PPFIA2: variants seen among roughly 807,000 people sequenced by gnomAD.
The protein encoded by PPFIA2 is liprin-alpha-2.
A neutral mutation model predicts 175.5 loss-of-function variants in PPFIA2; 46 were observed. The ratio of observed to expected loss-of-function variants is 0.26; its 90% confidence interval spans 0.21 to 0.34. The LOEUF is 0.34. Among genes scored for constraint, PPFIA2 ranks in the 10% least tolerant of loss-of-function variants. PPFIA2 has a pLI of 1.00. For synonymous variants in PPFIA2, 568 were observed against 511.4 expected (o/e 1.11, Z -1.49); for missense variants, 1,179 against 1,506.1 (o/e 0.78, Z 3.60).
In PPFIA2 at chr12:81,725,744, C is replaced by G. The variant is rs79597894; in HGVS notation, c.249+28229G>C. Among the ~76,000 whole-genome samples, 83 of 149,970 alleles carry G rather than the reference C, an allele frequency of 5.5e-4. No individual in the cohort carries two copies. In the East Asian group the frequency reaches 0.014, roughly 26 times the overall value. Reference sequence around the variant, plus strand: ...GTTGAAAGAAACAAGCACAGACAACCCTTTGAATAATCTAATCAAGAAATA... The same window carrying G: ...GTTGAAAGAAACAAGCACAGACAACGCTTTGAATAATCTAATCAAGAAATA... On this transcript the variant is annotated intron_variant, in intron 3 of 32. Transcript: ENST00000549396.
At chr12:81,707,204 C>CA (rs1369756252) in intron 3 of PPFIA2, among the ~76,000 whole-genome samples, 21 of 151,914 alleles carry the variant, frequency 1.4e-4, no homozygotes, top group African/African-American at 4.8e-4. Context: ...TTCTGCACAG[C>CA]AAAAGAAACT....
chr12:81,631,769 C>A (rs1334198881), intron 4 of PPFIA2, among the ~76,000 whole-genome samples: 3 of 152,146 alleles, frequency 2.0e-5, no homozygotes, highest in Non-Finnish European at 4.4e-5. Context: ...TGGCTCTGAC[C>A]TATTGGACTT....
At chr12:81,587,960 T>G (rs146155184) in intron 4 of PPFIA2, among the ~76,000 whole-genome samples, 1,621 of 152,148 alleles carry the variant, frequency 0.011, 33 homozygotes, top group African/African-American at 0.033. Context: ...AGAAACTTTC[T>G]ATATGACAGG....
intron 2 of PPFIA2, among the ~76,000 whole-genome samples, chr12:81,754,727 T>G (rs1281260016): frequency 6.6e-6 from 1 of 152,258 alleles, no homozygotes; most frequent in African/African-American, 2.4e-5. Flanking sequence ...AAGTTTACTC[T>G]TTCTTGTAGA....
intron 4 of PPFIA2, among the ~76,000 whole-genome samples, chr12:81,504,688 T>C (rs184937148): frequency 1.3e-5 from 2 of 152,270 alleles, no homozygotes; most frequent in East Asian, 1.9e-4. Flanking sequence ...TAAGGACACA[T>C]GTACAGCTAT....
chr12:81,584,920 T>C (rs1273685423), intron 4 of PPFIA2, among the ~76,000 whole-genome samples: 2 of 119,762 alleles, frequency 1.7e-5, no homozygotes, highest in Non-Finnish European at 1.6e-5. Flanking sequence ...TATATATTAA[T>C]TATATTTATA....
chr12:81,587,822 G>T (rs1335814677), intron 4 of PPFIA2, among the ~76,000 whole-genome samples: 1 of 151,908 alleles, frequency 6.6e-6, no homozygotes, highest in Non-Finnish European at 1.5e-5. Context: ...GAGTGCAGAG[G>T]CCTAGTGTTT....
At chr12:81,342,039 T>C (rs1007447495) in intron 19 of PPFIA2, among the ~76,000 whole-genome samples, 11 of 152,180 alleles carry the variant, frequency 7.2e-5, no homozygotes, top group Admixed American at 5.9e-4. Context: ...TGTTTTCAAA[T>C]TGTTCCATTT....
At chr12:81,569,794 A>G (rs530907509) in intron 4 of PPFIA2, among the ~76,000 whole-genome samples, 1 of 152,264 alleles carries the variant, frequency 6.6e-6, no homozygotes, top group East Asian at 1.9e-4. Flanking sequence ...AATTTTATTT[A>G]ATACACAAAA....
intron 4 of PPFIA2, among the ~76,000 whole-genome samples, chr12:81,629,026 T>G (rs1336335131): frequency 2.0e-5 from 3 of 152,134 alleles, no homozygotes; most frequent in African/African-American, 7.2e-5. Context: ...TCTAAATTAG[T>G]TGACCTTTCT....
intron 4 of PPFIA2, among the ~76,000 whole-genome samples, chr12:81,538,732 A>G (rs1488648191): frequency 6.6e-6 from 1 of 151,914 alleles, no homozygotes; most frequent in Non-Finnish European, 1.5e-5. Flanking sequence ...GCTGGTGCAG[A>G]CAACATGGAG....
chr12:81,533,968 A>G (rs1413978147), intron 4 of PPFIA2, among the ~76,000 whole-genome samples: 1 of 151,630 alleles, frequency 6.6e-6, no homozygotes, highest in Non-Finnish European at 1.5e-5. Context: ...ATATATACAC[A>G]ATAGAATACA....
intron 22 of PPFIA2, among the ~76,000 whole-genome samples, chr12:81,316,572 G>A (rs977920721): frequency 6.6e-6 from 1 of 151,490 alleles, no homozygotes; most frequent in Non-Finnish European, 1.5e-5. Context: ...GGAACATTAT[G>A]TGTGGCTAAT....
At chr12:81,259,777 T>C (rs1309197832) in intron 32 of PPFIA2, 117 bp from the exon 33 acceptor site, 7 of 805,708 alleles carry the variant, frequency 8.7e-6, no homozygotes, top group African/African-American at 1.7e-5. Flanking sequence ...TAGAAGATCA[T>C]GAGAAGGAAA....
At chr12:81,718,650 A>G (rs1486476945) in intron 3 of PPFIA2, among the ~76,000 whole-genome samples, 1 of 151,698 alleles carries the variant, frequency 6.6e-6, no homozygotes, top group Non-Finnish European at 1.5e-5. Context: ...AAAGACAAGG[A>G]TAGAGTTCTA....
chr12:81,507,741 C>T (rs2061332689), intron 4 of PPFIA2, among the ~76,000 whole-genome samples: 2 of 152,170 alleles, frequency 1.3e-5, no homozygotes, highest in South Asian at 2.1e-4. Context: ...AGGCATACTG[C>T]TAGAGGAGTC....
At chr12:81,444,496 T>C (rs1332816517) in intron 6 of PPFIA2, among the ~76,000 whole-genome samples, 3 of 152,154 alleles carry the variant, frequency 2.0e-5, no homozygotes. Flanking sequence ...AGAATTTTTA[T>C]ATAATATTCA....
chr12:81,686,837 C>A (rs930285102), intron 3 of PPFIA2, among the ~76,000 whole-genome samples: 1 of 152,042 alleles, frequency 6.6e-6, no homozygotes, highest in South Asian at 2.1e-4. Context: ...ATTGCATTTA[C>A]CAGCTTAGTT....
intron 28 of PPFIA2, among the ~76,000 whole-genome samples, chr12:81,271,868 TG>T (rs1227964926): frequency 6.6e-6 from 1 of 152,186 alleles, no homozygotes; most frequent in Non-Finnish European, 1.5e-5. Flanking sequence ...ATTATCTTTA[TG>T]ATCATTTCCA....
Sources: gnomAD v4.1 joint callset for allele counts (sites outside exome capture counted in the v4.1 genomes callset) on GRCh38, gnomAD v4.1.1 for gene constraint, MANE v1.5 for transcripts, NCBI Gene and HGNC (gene_info 2026-07-23, HGNC 2026-07-21) for gene names.